NLGN1: variants seen among roughly 807,000 people sequenced by gnomAD.
The protein encoded by NLGN1 is neuroligin-1.
In NLGN1, 12 loss-of-function variants were observed where a neutral mutation model predicts 65.5. That is an observed-to-expected ratio of 0.18 (90% confidence interval 0.12 to 0.30). The LOEUF (loss-of-function observed/expected upper bound fraction) is 0.30, where lower values mean the gene tolerates loss of function less well. Among genes scored for constraint, NLGN1 ranks in the 10% least tolerant of loss-of-function variants. NLGN1 has a pLI of 1.00. For missense variants in NLGN1, 750 were observed against 1,007.1 expected, an observed-to-expected ratio of 0.74 and a Z score of 3.46; for synonymous variants, 350 against 359.5, an observed-to-expected ratio of 0.97 and a Z score of 0.30.
At chr3:173,989,429 G>A (rs975240168) in intron 4 of NLGN1, among the ~76,000 whole-genome samples, 1 of 152,192 alleles carries the variant, frequency 6.6e-6, no homozygotes. Flanking sequence ...GAAAGTCAGG[G>A]TTTATTTTTC....
At chr3:174,045,453 T>C (rs1240714745) in intron 4 of NLGN1, among the ~76,000 whole-genome samples, 2 of 152,060 alleles carry the variant, frequency 1.3e-5, no homozygotes, top group Non-Finnish European at 2.9e-5. Context: ...ACCCTCATGA[T>C]CTCATCACTT....
At chr3:173,727,727 C>A (rs1772041764) in intron 3 of NLGN1, among the ~76,000 whole-genome samples, 1 of 152,048 alleles carries the variant, frequency 6.6e-6, no homozygotes, top group South Asian at 2.1e-4. Context: ...CATTCTGGCT[C>A]CTTTACAAAT....
At chr3:173,815,507 C>G (rs1718858582) in intron 4 of NLGN1, among the ~76,000 whole-genome samples, 1 of 152,112 alleles carries the variant, frequency 6.6e-6, no homozygotes, top group African/African-American at 2.4e-5. Flanking sequence ...CTTGTATGAT[C>G]ACTTCCTAGC....
intron 3 of NLGN1, among the ~76,000 whole-genome samples, chr3:173,622,748 G>A (rs914610497): frequency 2.0e-5 from 3 of 152,060 alleles, no homozygotes; most frequent in African/African-American, 7.2e-5. Flanking sequence ...ATTTAACATT[G>A]CTGAGAACTA....
At chr3:174,153,335 C>T (rs962800628) in intron 4 of NLGN1, among the ~76,000 whole-genome samples, 3 of 152,174 alleles carry the variant, frequency 2.0e-5, no homozygotes, top group Admixed American at 2.0e-4. Flanking sequence ...ATGTTAAACT[C>T]AATTTTCCTT....
intron 4 of NLGN1, among the ~76,000 whole-genome samples, chr3:174,051,703 A>G (rs573480046): frequency 2.6e-5 from 4 of 152,164 alleles, no homozygotes; most frequent in African/African-American, 9.6e-5. Context: ...GATCAAACTA[A>G]TAAAATATTT....
intron 2 of NLGN1, among the ~76,000 whole-genome samples, chr3:173,504,006 C>T (rs937016859): frequency 6.6e-5 from 10 of 151,936 alleles, no homozygotes; most frequent in Non-Finnish European, 1.5e-4. Flanking sequence ...AAAATAGCAA[C>T]ATCAGAAATC....
chr3:173,941,036 T>A (rs1019407635), intron 4 of NLGN1, among the ~76,000 whole-genome samples: 1 of 152,208 alleles, frequency 6.6e-6, no homozygotes, highest in Non-Finnish European at 1.5e-5. Context: ...AAGGGACTTC[T>A]GTGTAGCTTT....
At chr3:173,672,777 AC>A (rs1469867006) in intron 3 of NLGN1, among the ~76,000 whole-genome samples, 2 of 152,204 alleles carry the variant, frequency 1.3e-5, no homozygotes, top group Non-Finnish European at 2.9e-5. Context: ...AAGTTGAAGT[AC>A]CTATAACAAT....
At chr3:173,762,408 A>G (rs1197557274) in intron 3 of NLGN1, among the ~76,000 whole-genome samples, 1 of 152,098 alleles carries the variant, frequency 6.6e-6, no homozygotes, top group Non-Finnish European at 1.5e-5. Context: ...TAAAATGATA[A>G]TAAATTAAAA....
chr3:173,814,221 C>T (rs1718567048), intron 4 of NLGN1, among the ~76,000 whole-genome samples: 1 of 152,200 alleles, frequency 6.6e-6, no homozygotes, highest in African/African-American at 2.4e-5. Flanking sequence ...AAGAGCTAAC[C>T]AAAGGCAATC....
intron 4 of NLGN1, among the ~76,000 whole-genome samples, chr3:173,948,761 A>C (rs2152324739): frequency 6.6e-6 from 1 of 152,330 alleles, no homozygotes; most frequent in African/African-American, 2.4e-5. Context: ...ATGACTGTTA[A>C]ACATTAATGC....
chr3:174,012,253 C>A (rs1459645862), intron 4 of NLGN1, among the ~76,000 whole-genome samples: 2 of 152,316 alleles, frequency 1.3e-5, no homozygotes, highest in African/African-American at 4.8e-5. Flanking sequence ...CTAAGTTCAC[C>A]TGGCCCTATA....
chr3:173,577,715 A>C, intron 2 of NLGN1, among the ~76,000 whole-genome samples: 1 of 152,208 alleles, frequency 6.6e-6, no homozygotes, highest in East Asian at 1.9e-4. Context: ...TTTTATTCAC[A>C]TACAAGCAAA....
chr3:174,283,169 A>G (rs1751739988), exon 7 of NLGN1: 2 of 151,606 alleles, frequency 1.3e-5, no homozygotes, highest in Admixed American at 6.6e-5. Flanking sequence ...ACAAAGAAAC[A>G]TGACTGTCTC....
chr3:173,846,001 C>T (rs376718046), intron 4 of NLGN1, among the ~76,000 whole-genome samples: 1 of 151,894 alleles, frequency 6.6e-6, no homozygotes. Flanking sequence ...CCAGGCTGGT[C>T]AGCTCCTGGA....
chr3:173,495,682 A>T (rs1729896428), intron 2 of NLGN1, among the ~76,000 whole-genome samples: 1 of 104,738 alleles, frequency 9.5e-6, no homozygotes. Context: ...TCTTTTTTGA[A>T]AAAAAAAAAA....
intron 4 of NLGN1, among the ~76,000 whole-genome samples, chr3:174,251,744 A>G (rs572153268): frequency 2.0e-5 from 3 of 152,366 alleles, no homozygotes; most frequent in African/African-American, 7.2e-5. Context: ...ATATCCATCT[A>G]CATTATGTAT....
Position 174,231,721 on chromosome 3 carries a change from C to T in NLGN1, c.647-43594C>T, listed in dbSNP as rs78918755. Among the ~76,000 whole-genome samples, 914 of 152,238 alleles carry T rather than the reference C, an allele frequency of 6.0e-3. 24 individuals carry two copies. Among genetic ancestry groups the T allele is most frequent in the East Asian group, 0.03 (157 of 5,158 alleles). On this transcript the variant is annotated intron_variant, in intron 4 of 6. Coordinates refer to ENST00000457714, the Ensembl canonical transcript of NLGN1. Reference sequence around the variant, plus strand: ...TCTCCAGGGCTCTCATTCCTGTTCCCCCAGCCCAGAATCTTAGCCTGGCAT... The same window carrying T: ...TCTCCAGGGCTCTCATTCCTGTTCCTCCAGCCCAGAATCTTAGCCTGGCAT...
Sources: gnomAD v4.1 joint callset for allele counts (sites outside exome capture counted in the v4.1 genomes callset) on GRCh38, gnomAD v4.1.1 for gene constraint, MANE v1.5 for transcripts, NCBI Gene and HGNC (gene_info 2026-07-23, HGNC 2026-07-21) for gene names.